The following BUB1 variants were observed in gnomAD, a reference collection of about 807,000 sequenced individuals.
BUB1 encodes BUB1 mitotic checkpoint serine/threonine kinase.
A neutral mutation model predicts 135.2 loss-of-function variants in BUB1; 84 were observed. The ratio of observed to expected loss-of-function variants is 0.62; its 90% CI spans 0.52 to 0.74. The LOEUF (loss-of-function observed/expected upper bound fraction) is 0.74. Ranked by LOEUF, BUB1 falls within the 30% of genes least tolerant of loss-of-function variation. The probability of loss-of-function intolerance (pLI) is 0.00; values close to 1 mark genes in which losing one functional copy is unlikely to be tolerated. For missense variants in BUB1, 1,162 were observed against 1,288.3 expected, an observed-to-expected ratio of 0.90 and a Z score of 1.50; for synonymous variants, 403 against 434.4, an observed-to-expected ratio of 0.93 and a Z score of 0.90.
chr2:110,664,959 T>C (rs1030293703), intron 9 of BUB1, among the ~76,000 whole-genome samples: 1 of 152,204 alleles, frequency 6.6e-6, no homozygotes, highest in Admixed American at 6.5e-5. Context: ...ACAAGTCCTT[T>C]TACACACTGT....
chr2:110,676,210 GGC>G, intron 1 of BUB1, among the ~76,000 whole-genome samples: 3 of 150,056 alleles, frequency 2.0e-5, no homozygotes, highest in African/African-American at 7.4e-5. Flanking sequence ...ATGAGCAAAG[GGC>G]ATAATAAATT....
At chr2:110,644,146 T>C (rs1410401166) in intron 19 of BUB1, among the ~76,000 whole-genome samples, 1 of 147,014 alleles carries the variant, frequency 6.8e-6, no homozygotes, top group Non-Finnish European at 1.5e-5. Context: ...GTATAACAGA[T>C]GTAGAATGGG....
rs750703399 is a variant in BUB1 at position 110,658,453 on chromosome 2, T to A, written c.1473A>T (p.Gln491His). The change falls in exon 13 of 25, where the codon CAA becomes CAT. Residue 491 changes from glutamine to histidine, a missense_variant. Physicochemically the swap from Gln to His is conservative, Grantham distance 24 (BLOSUM62 0). Coordinates refer to ENST00000302759, the MANE Select transcript of BUB1 (RefSeq NM_004336.5). ...PDISDDKDEW[Q>H]SLDQNEDAFE... ...ATGCATCTTCATTTTGATCTAGAGA[T>A]TGCCATTCATCTTTGTCATCAGAAA... 2 of 1,614,066 alleles carry A rather than the reference T, an allele frequency of 1.2e-6. No homozygotes were observed. Among genetic ancestry groups the A allele is most frequent in the Non-Finnish European group, 1.7e-6 (2 of 1,179,990 alleles).
intron 3 of BUB1, 51 bp downstream of exon 3, chr2:110,674,035 C>A: frequency 7.2e-7 from 1 of 1,390,634 alleles, no homozygotes; most frequent in South Asian, 1.4e-5. Flanking sequence ...GTTTAAAAAG[C>A]AAAAGTACAA....
At chr2:110,673,779 A>G (rs1690494229) in intron 3 of BUB1, among the ~76,000 whole-genome samples, 1 of 152,092 alleles carries the variant, frequency 6.6e-6, no homozygotes. Context: ...TTGTATTTTT[A>G]GTAGAGACAG....
At chr2:110,645,952 A>G (rs1689635333) in intron 19 of BUB1, among the ~76,000 whole-genome samples, 1 of 152,092 alleles carries the variant, frequency 6.6e-6, no homozygotes, top group African/African-American at 2.4e-5. Context: ...TATGTGAGTC[A>G]AAAGTTACCG....
At chr2:110,659,204 T>G (rs1413654032) in intron 11 of BUB1, among the ~76,000 whole-genome samples, 1 of 152,200 alleles carries the variant, frequency 6.6e-6, no homozygotes, top group Non-Finnish European at 1.5e-5. Flanking sequence ...ATTGGTCCCT[T>G]TGCTGTGCTT....
At chr2:110,669,184 T>C (rs1273919557) in intron 6 of BUB1, among the ~76,000 whole-genome samples, 1 of 151,920 alleles carries the variant, frequency 6.6e-6, no homozygotes, top group East Asian at 1.9e-4. Flanking sequence ...GAAAGGACAT[T>C]GGTAAGGGAA....
chr2:110,656,178 CA>C (rs1349774608), intron 15 of BUB1, among the ~76,000 whole-genome samples: 1 of 152,118 alleles, frequency 6.6e-6, no homozygotes, highest in African/African-American at 2.4e-5. Context: ...TTGTGATTTA[CA>C]GAAGAGTTAC....
rs1690503029 is a variant in BUB1 at position 110,674,025 on chromosome 2, G to A, written c.225+61C>T. On this transcript the variant is annotated intron_variant, in intron 3 of 24. Transcript: ENST00000302759. ...AGCCTAAAATGATCTTACAATCTAA[G>A]TTTAAAAAGCAAAAGTACAACATGA... 4 of 1,331,586 alleles carry A rather than the reference G, an allele frequency of 3.0e-6. No individual in the cohort carries two copies. The East Asian group carries it at 7.0e-5, about 23-fold the overall frequency. The allele number at this position is 1,331,586 out of a possible 1,614,324, so 82.5% of individuals were successfully genotyped here.
In BUB1 at chr2:110,645,307, G is replaced by C. The variant is rs186873023; in HGVS notation, c.2348-3073C>G. On this transcript the variant is annotated intron_variant, in intron 19 of 24. Transcript: ENST00000302759. ...AAATTAGCTGGGCGTGGTGGTGTGC[G>C]CCTGTAGTCCCAGCTACTCAGGAGG... is the stretch of plus-strand genomic sequence containing the variant. 9.1e-3 allele frequency among the ~76,000 whole-genome samples: 1,375 copies of C among 151,926 alleles called. 22 individuals are homozygous for C. The highest frequency in any genetic ancestry group is 0.032 in the African/African-American group (1,305 of 41,408).
In BUB1 at chr2:110,650,585, A is replaced by T; in HGVS notation, c.2164T>A (p.Trp722Arg). The stretch of plus-strand genomic sequence containing the variant: ...GTCCCAAGTGAACTCATCTGCATCC[A>T]TTCTGCTTGGAGCCCAGCAATAGCA... Reference protein sequence around the residue: ...PDAIAGLQAEWMQMSSLGTVD... With the variant: ...PDAIAGLQAERMQMSSLGTVD... Residue 722 changes from tryptophan (W) to arginine (R), a missense_variant, in exon 18 of 25, where the codon TGG (tryptophan) becomes AGG (arginine). By Grantham distance (101) the Trp-to-Arg change is moderately radical. Coordinates refer to ENST00000302759, the MANE Select transcript of BUB1 (RefSeq NM_004336.5). 6.2e-7 allele frequency: 1 copy of T among 1,613,844 alleles called. No homozygotes were observed. The highest frequency in any genetic ancestry group is 8.5e-7 in the Non-Finnish European group (1 of 1,179,934).
At chr2:110,666,545 T>C in intron 8 of BUB1, 131 bp from the exon 9 acceptor site, 1 of 686,986 alleles carries the variant, frequency 1.5e-6, no homozygotes, top group Non-Finnish European at 2.1e-6. Context: ...TATTTGGTTT[T>C]AGAAGTGAAA....
At chr2:110,646,837 G>GA (rs544457952) in intron 19 of BUB1, among the ~76,000 whole-genome samples, 12 of 152,058 alleles carry the variant, frequency 7.9e-5, no homozygotes, top group Non-Finnish European at 1.0e-4. Context: ...TAAGAAACTA[G>GA]AAAAAAGAGC....
rs781209197 is a variant in BUB1 at position 110,678,035 on chromosome 2, G to T, written c.-40C>A. On this transcript the variant is annotated 5_prime_UTR_variant, in exon 1 of 25. Transcript: ENST00000302759. ...GGCCGGCAGCGGCCAAACCTGAACC[G>T]CAAACTAGAAGCCGCCGCCGATTCG... The T allele has an allele frequency of 5.7e-6, 9 of 1,583,426 alleles. No individual in the cohort carries two copies. Among genetic ancestry groups the T allele is most frequent in the East Asian group, 2.3e-5 (1 of 43,332 alleles).
Position 110,678,055 on chromosome 2 carries a change from G to T in BUB1, c.-60C>A, listed in dbSNP as rs961425841. On this transcript the variant is annotated 5_prime_UTR_variant, in exon 1 of 25. Coordinates refer to ENST00000302759, the MANE Select transcript of BUB1 (RefSeq NM_004336.5). ...GAACCGCAAACTAGAAGCCGCCGCC[G>T]ATTCGAATACCCCGCGCAGCCGCAG... is the stretch of plus-strand genomic sequence containing the variant. 3.2e-6 allele frequency: 5 copies of T among 1,555,630 alleles called. No homozygotes were observed. The highest frequency in any genetic ancestry group is 3.5e-6 in the Non-Finnish European group (4 of 1,152,316).
intron 24 of BUB1, among the ~76,000 whole-genome samples, chr2:110,638,987 T>A (rs1396575262): frequency 6.6e-6 from 1 of 152,098 alleles, no homozygotes; most frequent in African/African-American, 2.4e-5. Context: ...ACTCTTACGT[T>A]TTCTCAAGAA....
intron 1 of BUB1, among the ~76,000 whole-genome samples, chr2:110,676,185 AC>A (rs1389835692): frequency 6.6e-6 from 1 of 152,168 alleles, no homozygotes; most frequent in Non-Finnish European, 1.5e-5. Context: ...AAAACTATTA[AC>A]CTATTTTTTT....
intron 15 of BUB1, among the ~76,000 whole-genome samples, chr2:110,656,552 G>A (rs555039158): frequency 2.0e-5 from 3 of 152,296 alleles, no homozygotes; most frequent in African/African-American, 7.2e-5. Flanking sequence ...TTTTGGGAAG[G>A]ATATCAGAGG....
Sources: gnomAD v4.1 joint callset for allele counts (sites outside exome capture counted in the v4.1 genomes callset) on GRCh38, gnomAD v4.1.1 for gene constraint, MANE v1.5 for transcripts, NCBI Gene and HGNC (gene_info 2026-07-23, HGNC 2026-07-21) for gene names.